Variants in WNT3 observed in about 807,000 individuals in gnomAD.
WNT3 encodes Wnt family member 3.
In WNT3, 7 loss-of-function variants were observed where a neutral mutation model predicts 34.2. That is an observed-to-expected ratio of 0.20 (90% CI 0.12 to 0.38). The LOEUF (loss-of-function observed/expected upper bound fraction) is 0.38. Ranked by LOEUF, WNT3 falls within the 10% of genes least tolerant of loss-of-function variation. The pLI, the probability that WNT3 is intolerant of heterozygous loss-of-function variation, is 1.00. For synonymous variants in WNT3, 212 were observed against 211.5 expected, an observed-to-expected ratio of 1.00 and a Z score of -0.02; for missense variants, 267 against 499.8, an observed-to-expected ratio of 0.53 and a Z score of 4.44.
chr17:46,802,151 A>T (rs536541032), intron 1 of WNT3, among the ~76,000 whole-genome samples: 1 of 152,340 alleles, frequency 6.6e-6, no homozygotes, highest in South Asian at 2.1e-4. Flanking sequence ...CTCCAAAGTG[A>T]TGTCTTTTTG....
chr17:46,791,445 G>C (rs1432868409), intron 1 of WNT3, among the ~76,000 whole-genome samples: 1 of 152,034 alleles, frequency 6.6e-6, no homozygotes, highest in Non-Finnish European at 1.5e-5. Context: ...GACCTCAAGT[G>C]ATCCGCCCGC....
intron 2 of WNT3, among the ~76,000 whole-genome samples, chr17:46,770,551 AC>A (rs1411094902): frequency 3.9e-5 from 6 of 151,950 alleles, no homozygotes; most frequent in African/African-American, 1.2e-4. Flanking sequence ...ATGCATAGGG[AC>A]GGCCCCTCTC....
intron 1 of WNT3, among the ~76,000 whole-genome samples, chr17:46,785,209 G>A (rs1486733501): frequency 1.3e-5 from 2 of 152,218 alleles, no homozygotes; most frequent in African/African-American, 2.4e-5. Context: ...TACAAAGCCA[G>A]CTCTTCCCTG....
At chr17:46,783,305 T>C (rs2059477668) in intron 1 of WNT3, among the ~76,000 whole-genome samples, 4 of 152,088 alleles carry the variant, frequency 2.6e-5, no homozygotes, top group Admixed American at 2.6e-4. Flanking sequence ...TGGGGCCTGG[T>C]GATTTGTGGA....
chr17:46,788,188 C>T lies in WNT3; in HGVS notation c.81-14279G>A, dbSNP rs577451298. Among the ~76,000 whole-genome samples, 45 of 152,290 alleles carry T rather than the reference C, an allele frequency of 3.0e-4. No individual in the cohort carries two copies. The South Asian group carries it at 8.5e-3, about 29-fold the overall frequency. ...GCCAGCTTTTCCTCCTGGAGCTTGG[C>T]CATCTGTTTCTTTGCCTCCCACTCC... On this transcript the variant is annotated intron_variant, in intron 1 of 4. Coordinates refer to ENST00000225512, the MANE Select transcript of WNT3 (RefSeq NM_030753.5).
chr17:46,771,544 C>T (rs559456184), intron 2 of WNT3, among the ~76,000 whole-genome samples: 1 of 148,892 alleles, frequency 6.7e-6, no homozygotes. Flanking sequence ...CGCTGACAGC[C>T]CCGCTGTGCC....
At chr17:46,782,655 C>G (rs70600) in intron 1 of WNT3, among the ~76,000 whole-genome samples, 4 of 152,180 alleles carry the variant, frequency 2.6e-5, no homozygotes, top group Non-Finnish European at 4.4e-5. Flanking sequence ...CATGTGTGCA[C>G]ACCGTGGGGC....
chr17:46,791,921 T>G (rs2083992625), intron 1 of WNT3, among the ~76,000 whole-genome samples: 1 of 152,140 alleles, frequency 6.6e-6, no homozygotes, highest in South Asian at 2.1e-4. Flanking sequence ...ACACTTGTAG[T>G]CCCAGCTACT....
At chr17:46,793,404 C>T (rs1290736156) in intron 1 of WNT3, among the ~76,000 whole-genome samples, 2 of 152,004 alleles carry the variant, frequency 1.3e-5, no homozygotes, top group African/African-American at 2.4e-5. Context: ...CTGCTCCGGC[C>T]GCTGTTGGGG....
At position 46,763,754 on chromosome 17, in the gene WNT3, C is replaced by T. The variant is rs981157814; in HGVS notation, c.*876G>A. 13 of 146,176 alleles carry T rather than the reference C, an allele frequency of 8.9e-5. No homozygotes were observed. The highest frequency in any genetic ancestry group is 3.3e-4 in the African/African-American group (13 of 39,448). The allele number at this position is 146,176 out of a possible 1,614,324, so 9.1% of individuals were successfully genotyped here. A position where few individuals can be genotyped will look rare whatever the true frequency, so the allele number is the denominator to read the frequency against. On this transcript the variant is annotated 3_prime_UTR_variant, in exon 5 of 5. Transcript: ENST00000225512. ...TGAATGGCCCCTTCTGAAGATACCG[C>T]TTATTTATTTAGGAAGCCATTTGAG...
chr17:46,784,417 C>A (rs1283566849), intron 1 of WNT3, among the ~76,000 whole-genome samples: 1 of 151,938 alleles, frequency 6.6e-6, no homozygotes, highest in Non-Finnish European at 1.5e-5. Context: ...TTGTAAGGAG[C>A]TAAAAGTTGA....
chr17:46,794,757 T>TC (rs2084031736), intron 1 of WNT3, among the ~76,000 whole-genome samples: 1 of 149,538 alleles, frequency 6.7e-6, no homozygotes, highest in African/African-American at 2.5e-5. Context: ...TTTTTCTTTT[T>TC]TTTTTTTTTT....
intron 1 of WNT3, among the ~76,000 whole-genome samples, chr17:46,807,374 T>C (rs946510139): frequency 6.6e-6 from 1 of 152,060 alleles, no homozygotes; most frequent in East Asian, 1.9e-4. Context: ...CCCAGGTACT[T>C]GGGAGGCTGA....
At chr17:46,791,183 T>C (rs1373235347) in intron 1 of WNT3, among the ~76,000 whole-genome samples, 5 of 151,804 alleles carry the variant, frequency 3.3e-5, no homozygotes, top group Non-Finnish European at 7.4e-5. Context: ...TGCAGCTACA[T>C]TTCCCCCCAA....
intron 1 of WNT3, among the ~76,000 whole-genome samples, chr17:46,817,378 G>A (rs968413795): frequency 7.2e-5 from 11 of 152,004 alleles, no homozygotes; most frequent in Admixed American, 2.0e-4. Context: ...ACCTCCCCCC[G>A]CCCAGGCCAA....
At chr17:46,816,941 C>T (rs2146476929) in intron 1 of WNT3, among the ~76,000 whole-genome samples, 1 of 152,336 alleles carries the variant, frequency 6.6e-6, no homozygotes, top group South Asian at 2.1e-4. Flanking sequence ...GGCCGAACCT[C>T]CTTCCTGAAG....
At chr17:46,781,026 C>G (rs191923401) in intron 1 of WNT3, among the ~76,000 whole-genome samples, 1 of 151,700 alleles carries the variant, frequency 6.6e-6, no homozygotes, top group African/African-American at 2.4e-5. Context: ...GTCAGGAGTT[C>G]GAGACCAGCC....
chr17:46,788,378 G>C (rs2083934006), intron 1 of WNT3, among the ~76,000 whole-genome samples: 1 of 152,140 alleles, frequency 6.6e-6, no homozygotes, highest in Non-Finnish European at 1.5e-5. Flanking sequence ...CTGCCGTTCT[G>C]AGCAGCCAAG....
chr17:46,817,138 C>T (rs554309658), intron 1 of WNT3, among the ~76,000 whole-genome samples: 1 of 152,324 alleles, frequency 6.6e-6, no homozygotes, highest in African/African-American at 2.4e-5. Flanking sequence ...CTCCCAGGAG[C>T]CCCAAACACC....
Sources: gnomAD v4.1 joint callset for allele counts (sites outside exome capture counted in the v4.1 genomes callset) on GRCh38, gnomAD v4.1.1 for gene constraint, MANE v1.5 for transcripts, NCBI Gene and HGNC (gene_info 2026-07-23, HGNC 2026-07-21) for gene names.